ZNF804B: variants seen among roughly 807,000 people sequenced by gnomAD.
ZNF804B encodes the protein zinc finger protein 804B.
ZNF804B carries 80 observed loss-of-function variants against 101.4 expected under a neutral mutation model. That is an observed-to-expected ratio of 0.79 (90% CI 0.66 to 0.95). The LOEUF (loss-of-function observed/expected upper bound fraction) is 0.95, where lower values mean the gene tolerates loss of function less well. Among genes scored for constraint, ZNF804B ranks in the 40% least tolerant of loss-of-function variants. ZNF804B has a pLI of 0.00. For synonymous variants in ZNF804B, 622 were observed against 558.8 expected (o/e 1.11, Z -1.59); for missense variants, 1,673 against 1,561.9 (o/e 1.07, Z -1.20).
At chr7:88,863,454 G>A (rs1427687288) in intron 1 of ZNF804B, among the ~76,000 whole-genome samples, 2 of 152,056 alleles carry the variant, frequency 1.3e-5, no homozygotes, top group Non-Finnish European at 2.9e-5. Flanking sequence ...CCAGACACTG[G>A]AGTTACATGG....
intron 1 of ZNF804B, among the ~76,000 whole-genome samples, chr7:88,845,578 AG>A (rs759660755): frequency 1.3e-5 from 2 of 149,734 alleles, no homozygotes; most frequent in Non-Finnish European, 3.0e-5. Flanking sequence ...ACTTTTGCTC[AG>A]GGTTTTTTTT....
In ZNF804B at chr7:89,334,329, G is replaced by T. The variant is rs180894185; in HGVS notation, c.1347G>T (p.Lys449Asn). 1.2e-6 allele frequency: 2 copies of T among 1,613,844 alleles called. No homozygotes were observed. The highest frequency in any genetic ancestry group is 1.7e-6 in the Non-Finnish European group (2 of 1,179,858). ...TACCTTTTCTCCACGTTCAAAGCAA[G>T]GATGGCCACACCACTCTTCAATGGC... The part of the protein sequence containing the change: ...KPLPFLHVQS[K>N]DGHTTLQWPT... Residue 449 changes from lysine (K) to asparagine (N), a missense_variant, in exon 4 of 4, where the codon AAG becomes AAT. By Grantham distance (94) the Lys-to-Asn change is moderately conservative (BLOSUM62 0). Coordinates refer to ENST00000333190, the MANE Select transcript of ZNF804B (RefSeq NM_181646.5).
rs10487075 is a variant in ZNF804B at position 89,335,707 on chromosome 7, G to A, written c.2725G>A (p.Glu909Lys). Residue 909 changes from glutamate (E) to lysine (K), a missense_variant, in exon 4 of 4, where the codon GAA becomes AAA. Glu to Lys is a moderately conservative substitution (Grantham distance 56). Transcript: ENST00000333190. ...AAAGAACTGTTCCAGTGGCCCTTCA[G>A]AAACCACAGAATCAAACACTGCAGA... Reference protein sequence around the residue: ...LLKNCSSGPSETTESNTAEGE... With the variant: ...LLKNCSSGPSKTTESNTAEGE... The A allele has an allele frequency of 0.096, 154,806 of 1,613,950 alleles. 8,100 individuals are homozygous for A. Among genetic ancestry groups the A allele is most frequent in the Non-Finnish European group, 0.11 (125,308 of 1,179,954 alleles).
chr7:89,222,735 A>G (rs1789023497), intron 2 of ZNF804B, among the ~76,000 whole-genome samples: 1 of 151,890 alleles, frequency 6.6e-6, no homozygotes, highest in Non-Finnish European at 1.5e-5. Flanking sequence ...GAAATTGACA[A>G]CTTATATGGG....
chr7:88,980,466 C>A (rs1440426396), intron 1 of ZNF804B, among the ~76,000 whole-genome samples: 1 of 152,008 alleles, frequency 6.6e-6, no homozygotes, highest in Admixed American at 6.6e-5. Context: ...TCCAAATACT[C>A]AAAGGGAATT....
intron 2 of ZNF804B, among the ~76,000 whole-genome samples, chr7:89,287,591 T>C (rs1409536715): frequency 6.6e-6 from 1 of 152,156 alleles, no homozygotes; most frequent in Non-Finnish European, 1.5e-5. Flanking sequence ...AAGAAAACTC[T>C]AGAAGACTGG....
intron 1 of ZNF804B, among the ~76,000 whole-genome samples, chr7:88,856,818 G>C (rs893799731): frequency 3.3e-5 from 5 of 151,972 alleles, no homozygotes; most frequent in African/African-American, 9.7e-5. Context: ...TAGTATGAAG[G>C]GCTGTTGAAT....
intron 1 of ZNF804B, among the ~76,000 whole-genome samples, chr7:89,209,246 CAT>C (rs919003159): frequency 2.6e-5 from 4 of 152,002 alleles, no homozygotes; most frequent in African/African-American, 9.7e-5. Flanking sequence ...GACAATTTCA[CAT>C]GTTTAATGTG....
At chr7:89,241,901 T>G (rs1427983586) in intron 2 of ZNF804B, among the ~76,000 whole-genome samples, 1 of 151,608 alleles carries the variant, frequency 6.6e-6, no homozygotes, top group Non-Finnish European at 1.5e-5. Flanking sequence ...TTCTTTTTTT[T>G]TTTTTTCTCT....
chr7:89,068,780 T>C (rs747104027), intron 1 of ZNF804B, among the ~76,000 whole-genome samples: 4 of 152,340 alleles, frequency 2.6e-5, no homozygotes, highest in Non-Finnish European at 4.4e-5. Context: ...GAATGTGTAA[T>C]TGAGAAAAGC....
At chr7:89,290,587 CG>C (rs1352095409) in intron 2 of ZNF804B, among the ~76,000 whole-genome samples, 2 of 152,008 alleles carry the variant, frequency 1.3e-5, no homozygotes, top group East Asian at 3.9e-4. Flanking sequence ...CAGTACTCCC[CG>C]GGGGTCTGTA....
chr7:89,167,467 A>AAATAAATTAATTAATT (rs371610618), intron 1 of ZNF804B, among the ~76,000 whole-genome samples: 9 of 151,534 alleles, frequency 5.9e-5, no homozygotes, highest in South Asian at 4.2e-4. Flanking sequence ...ATAAATAAAT[A>AAATAAATTAATTAATT]AATAATCCCT....
chr7:88,829,111 A>T (rs1288848033), intron 1 of ZNF804B, among the ~76,000 whole-genome samples: 1 of 152,058 alleles, frequency 6.6e-6, no homozygotes, highest in African/African-American at 2.4e-5. Context: ...TTAAGACAAG[A>T]TCTCTCTCTG....
At chr7:89,206,052 G>A (rs907246521) in intron 1 of ZNF804B, among the ~76,000 whole-genome samples, 2 of 152,178 alleles carry the variant, frequency 1.3e-5, no homozygotes, top group East Asian at 3.8e-4. Flanking sequence ...CAAGGCTTGG[G>A]GCTTACACCC....
At position 88,825,706 on chromosome 7, in the gene ZNF804B, C is replaced by T. The variant is rs183594060; in HGVS notation, c.108+65622C>T. On this transcript the variant is annotated intron_variant, in intron 1 of 3. Coordinates refer to ENST00000333190, the MANE Select transcript of ZNF804B (RefSeq NM_181646.5). ...AAGAGATTGAGTCTGGATGACTCCTCACATCTTTCCCAGCACTTTGAATTT... is the reference window on the plus strand; with the variant it reads ...AAGAGATTGAGTCTGGATGACTCCTTACATCTTTCCCAGCACTTTGAATTT... Among the ~76,000 whole-genome samples, 6 of 152,248 alleles carry T rather than the reference C, an allele frequency of 3.9e-5. No individual in the cohort carries two copies. In the East Asian group the frequency reaches 7.7e-4, roughly 20 times the overall value.
Position 89,257,551 on chromosome 7 carries a change from T to C in ZNF804B, c.249+39256T>C, listed in dbSNP as rs145247825. On this transcript the variant is annotated intron_variant, in intron 2 of 3. Transcript: ENST00000333190. ...CTTTACATATAAAAGGAGTCACTAC[T>C]CTTTGTATTTAATCACTCTTTTAAA... Among the ~76,000 whole-genome samples, 261 of 152,264 alleles carry C rather than the reference T, an allele frequency of 1.7e-3. 1 individual carries two copies. Among genetic ancestry groups the C allele is most frequent in the African/African-American group, 6.0e-3 (250 of 41,564 alleles).
At chr7:88,857,398 C>G (rs1479191321) in intron 1 of ZNF804B, among the ~76,000 whole-genome samples, 5 of 151,940 alleles carry the variant, frequency 3.3e-5, no homozygotes, top group African/African-American at 4.8e-5. Flanking sequence ...AGAGAAGAAT[C>G]AAATAGATGC....
intron 1 of ZNF804B, among the ~76,000 whole-genome samples, chr7:88,979,604 C>CTT (rs535240485): frequency 2.6e-5 from 3 of 115,342 alleles, no homozygotes; most frequent in African/African-American, 8.6e-5. Flanking sequence ...TTTTCTTTTT[C>CTT]TTTCTTTTTT....
At chr7:88,764,778 C>A (rs1157137080) in intron 1 of ZNF804B, among the ~76,000 whole-genome samples, 1 of 152,096 alleles carries the variant, frequency 6.6e-6, no homozygotes, top group Non-Finnish European at 1.5e-5. Flanking sequence ...AAGTGATGCA[C>A]TTTTCAAGTG....
Sources: gnomAD v4.1 joint callset for allele counts (sites outside exome capture counted in the v4.1 genomes callset) on GRCh38, gnomAD v4.1.1 for gene constraint, MANE v1.5 for transcripts, NCBI Gene and HGNC (gene_info 2026-07-23, HGNC 2026-07-21) for gene names.